The following DAG1 variants were observed in gnomAD, a reference collection of about 807,000 sequenced individuals.
DAG1 encodes the protein dystroglycan 1 (dystrophin-associated glycoprotein 1).
Under a neutral mutation model 46.1 loss-of-function variants are expected in DAG1, and 8 were observed. The ratio of observed to expected loss-of-function variants is 0.17; its 90% CI spans 0.10 to 0.31. The LOEUF (loss-of-function observed/expected upper bound fraction) is 0.31. DAG1 is among the 10% of genes least tolerant of loss of function. The pLI is 1.00. For synonymous variants in DAG1, 495 were observed against 481.8 expected (o/e 1.03, Z -0.36); for missense variants, 1,003 against 1,189.9 (o/e 0.84, Z 2.31).
At chr3:49,472,445 G>C (rs2049547456) in intron 1 of DAG1, among the ~76,000 whole-genome samples, 1 of 152,114 alleles carries the variant, frequency 6.6e-6, no homozygotes. Flanking sequence ...GGTGGGATTT[G>C]GAGGGACCAC....
intron 1 of DAG1, among the ~76,000 whole-genome samples, chr3:49,478,943 A>C (rs1468070567): frequency 2.0e-5 from 3 of 150,044 alleles, no homozygotes; most frequent in Non-Finnish European, 4.4e-5. Flanking sequence ...CCTCTTGAGT[A>C]GCTGGGATTA....
chr3:49,485,297 G>A (rs1207595411), intron 1 of DAG1, among the ~76,000 whole-genome samples: 10 of 152,114 alleles, frequency 6.6e-5, no homozygotes, highest in Admixed American at 5.2e-4. Context: ...TTGTTCTGTC[G>A]CCCAGGCTGG....
At chr3:49,507,494 C>G (rs886585605) in intron 1 of DAG1, among the ~76,000 whole-genome samples, 1 of 151,740 alleles carries the variant, frequency 6.6e-6, no homozygotes, top group Non-Finnish European at 1.5e-5. Flanking sequence ...ACCTGGGAGG[C>G]GGAGGTTACA....
intron 1 of DAG1, among the ~76,000 whole-genome samples, chr3:49,481,721 G>T (rs905605331): frequency 1.3e-4 from 20 of 152,102 alleles, no homozygotes. Flanking sequence ...AGGATATGTC[G>T]TATTCAGGGA....
chr3:49,481,585 C>T lies in DAG1; in HGVS notation c.-117+11152C>T, dbSNP rs186110950. On this transcript the variant is annotated intron_variant, in intron 1 of 2. Coordinates refer to ENST00000308775, the MANE Select transcript of DAG1 (RefSeq NM_004393.6). The stretch of plus-strand genomic sequence containing the variant: ...CATGTGGAGACCTAGTCTCAGTGTT[C>T]CCTGCCCTTGGGGACATGAGGAGCC... 2.7e-3 allele frequency among the ~76,000 whole-genome samples: 415 copies of T among 152,192 alleles called. 3 individuals are homozygous for T. Among genetic ancestry groups the T allele is most frequent in the African/African-American group, 9.3e-3 (385 of 41,532 alleles).
chr3:49,506,442 T>A (rs2050609064), intron 1 of DAG1, among the ~76,000 whole-genome samples: 1 of 152,244 alleles, frequency 6.6e-6, no homozygotes, highest in Non-Finnish European at 1.5e-5. Flanking sequence ...GTTTGGTAGA[T>A]GCTCTTTATC....
chr3:49,488,329 C>T (rs1443949237), intron 1 of DAG1, among the ~76,000 whole-genome samples: 1 of 152,142 alleles, frequency 6.6e-6, no homozygotes, highest in East Asian at 1.9e-4. Flanking sequence ...TCGTTTGTAT[C>T]TTTAGGTGAG....
intron 1 of DAG1, among the ~76,000 whole-genome samples, chr3:49,472,183 G>A (rs2049539706): frequency 6.6e-6 from 1 of 152,106 alleles, no homozygotes; most frequent in African/African-American, 2.4e-5. Context: ...TGGAGTGGCA[G>A]GAAGAGGGAG....
At position 49,532,515 on chromosome 3, in the gene DAG1, C is replaced by G; in HGVS notation, c.2004C>G (p.Pro668=). The change falls in exon 3 of 3, where the codon CCC becomes CCG. Residue 668 remains proline, a synonymous_variant. Coordinates refer to ENST00000308775, the MANE Select transcript of DAG1 (RefSeq NM_004393.6). The surrounding 1 kb of genome is among the most constrained non-coding windows in gnomAD (Gnocchi z 5.4). ...EWTNNTLPLE[P]CPKEQIAGLS... is the part of the protein sequence containing the mutation. ...CCAACAACACACTGCCCTTGGAGCC[C>G]TGCCCCAAGGAGCAGATCGCTGGGC... 2 of 1,614,190 alleles carry G rather than the reference C, an allele frequency of 1.2e-6. No homozygotes were observed. Among genetic ancestry groups the G allele is most frequent in the Non-Finnish European group, 1.7e-6 (2 of 1,180,022 alleles).
At chr3:49,485,348 G>C (rs761753995) in intron 1 of DAG1, among the ~76,000 whole-genome samples, 2 of 152,148 alleles carry the variant, frequency 1.3e-5, no homozygotes, top group Admixed American at 6.6e-5. Context: ...ACCTTTTGGA[G>C]ACAAAAGGCC....
At chr3:49,508,146 G>A (rs1250275277) in intron 1 of DAG1, among the ~76,000 whole-genome samples, 2 of 139,640 alleles carry the variant, frequency 1.4e-5, no homozygotes, top group Admixed American at 1.4e-4. Context: ...TTTCATTGGG[G>A]TTTTTTGCTT....
chr3:49,523,884 T>C (rs886966546), intron 2 of DAG1, among the ~76,000 whole-genome samples: 2 of 152,228 alleles, frequency 1.3e-5, no homozygotes, highest in African/African-American at 2.4e-5. Flanking sequence ...CCAGCCAGCC[T>C]GGAGCTGGGA....
At chr3:49,519,944 G>A (rs1319230243) in intron 2 of DAG1, among the ~76,000 whole-genome samples, 1 of 152,228 alleles carries the variant, frequency 6.6e-6, no homozygotes, top group Non-Finnish European at 1.5e-5. Context: ...GCTCAGACCA[G>A]AAGGGCATTG....
Position 49,528,275 on chromosome 3 carries a change from A to ATTTTTTTTTTTTTTT in DAG1, c.286-2509_286-2495dup, listed in dbSNP as rs147292984. Among the ~76,000 whole-genome samples the ATTTTTTTTTTTTTTT allele has an allele frequency of 2.0e-3, 136 of 66,624 alleles. 27 individuals are homozygous for ATTTTTTTTTTTTTTT. The highest frequency in any genetic ancestry group is 6.9e-3 in the African/African-American group (100 of 14,514). 43.7% of individuals were successfully genotyped at this position (66,624 alleles called of 152,430 possible). On this transcript the variant is annotated intron_variant, in intron 2 of 2. Coordinates refer to ENST00000308775, the MANE Select transcript of DAG1 (RefSeq NM_004393.6). ...CAGCCAAAACATTTGAAATAGTGTG[A>ATTTTTTTTTTTTTTT]TTTTTTTTTTTTTTTTTTTTTTTTT...
At chr3:49,530,577 G>T (rs2051311309) in intron 2 of DAG1, among the ~76,000 whole-genome samples, 1 of 152,178 alleles carries the variant, frequency 6.6e-6, no homozygotes, top group South Asian at 2.1e-4. Context: ...GTGGCCTTGG[G>T]TGAGATATTT....
At chr3:49,516,514 A>C (rs1244828611) in intron 2 of DAG1, among the ~76,000 whole-genome samples, 1 of 152,114 alleles carries the variant, frequency 6.6e-6, no homozygotes, top group African/African-American at 2.4e-5. Context: ...AAGTGGCCCC[A>C]CCCTGTCCCT....
At chr3:49,492,768 C>CTT (rs2050221765) in intron 1 of DAG1, 1 of 152,082 alleles carries the variant, frequency 6.6e-6, no homozygotes, top group South Asian at 2.1e-4. Flanking sequence ...CTCCAAGGTA[C>CTT]TTTTCAGTGG....
At chr3:49,485,899 G>A (rs979225959) in intron 1 of DAG1, among the ~76,000 whole-genome samples, 46 of 152,094 alleles carry the variant, frequency 3.0e-4, no homozygotes, top group Non-Finnish European at 4.0e-4. Context: ...AGCCTCAGGT[G>A]ATCCTCTCAT....
At chr3:49,530,741 T>TA in intron 2 of DAG1, 56 bp from the exon 3 acceptor site, 1 of 1,612,638 alleles carries the variant, frequency 6.2e-7, no homozygotes, top group Non-Finnish European at 8.5e-7. Flanking sequence ...GTTGTGATCA[T>TA]ATTCAGGTTA....
Sources: allele counts gnomAD v4.1 joint callset (sites outside exome capture counted in the v4.1 genomes callset), GRCh38; gene constraint gnomAD v4.1.1; non-coding constraint Gnocchi (gnomAD v3.1); transcripts MANE v1.5; gene names NCBI Gene and HGNC (gene_info 2026-07-23, HGNC 2026-07-21).